Variants in TSHZ2 observed in about 807,000 individuals in gnomAD.
TSHZ2 encodes teashirt homolog 2.
TSHZ2 carries 21 observed loss-of-function variants against 74.4 expected under a neutral mutation model. The observed-to-expected ratio is 0.28, with a 90% CI of 0.20 to 0.41. TSHZ2 has a LOEUF of 0.41. Among genes scored for constraint, TSHZ2 ranks in the 10% least tolerant of loss-of-function variants. The probability of loss-of-function intolerance (pLI) is 1.00; values close to 1 mark genes in which losing one functional copy is unlikely to be tolerated. For synonymous variants in TSHZ2, 540 were observed against 515.3 expected (o/e 1.05, Z -0.65); for missense variants, 1,244 against 1,293.5 (o/e 0.96, Z 0.59).
chr20:53,441,241 TTTTATTTTATTTTA>T (rs1206660756), intron 2 of TSHZ2, among the ~76,000 whole-genome samples: 2 of 145,052 alleles, frequency 1.4e-5, no homozygotes, highest in African/African-American at 5.0e-5. Context: ...TTTTATTTTA[TTTTATTTTATTTTA>T]TTTTATTTTA....
chr20:53,461,295 C>A (rs933456772), intron 2 of TSHZ2, among the ~76,000 whole-genome samples: 1 of 152,138 alleles, frequency 6.6e-6, no homozygotes, highest in Admixed American at 6.5e-5. Flanking sequence ...GTGGGAGTGA[C>A]CCGATTTCCA....
intron 1 of TSHZ2, among the ~76,000 whole-genome samples, chr20:53,239,832 A>G (rs951250808): frequency 6.6e-6 from 1 of 152,214 alleles, no homozygotes; most frequent in African/African-American, 2.4e-5. Context: ...AACATGAAAA[A>G]TATCAGGGCA....
Position 53,053,581 on chromosome 20 carries a change from GTATA to G in TSHZ2, c.40+80264_40+80267del, listed in dbSNP as rs10566003. 9.7e-3 allele frequency among the ~76,000 whole-genome samples: 1,458 copies of G among 149,764 alleles called. 31 individuals are homozygous for G. The highest frequency in any genetic ancestry group is 0.034 in the African/African-American group (1,371 of 40,810). ...GCTATATATGTATGTATATGTGTGT[GTATA>G]TATATATATATATATTTTTCTCGAT... is the stretch of plus-strand genomic sequence containing the variant. On this transcript the variant is annotated intron_variant, in intron 1 of 2. Transcript: ENST00000371497.
chr20:53,004,634 G>A (rs2122974982), intron 1 of TSHZ2, among the ~76,000 whole-genome samples: 1 of 152,312 alleles, frequency 6.6e-6, no homozygotes, highest in African/African-American at 2.4e-5. Flanking sequence ...TGCTGCTTAT[G>A]AGCTCAGGGA....
chr20:53,484,375 T>C (rs1986235492), intron 2 of TSHZ2, among the ~76,000 whole-genome samples: 1 of 131,866 alleles, frequency 7.6e-6, no homozygotes. Flanking sequence ...CTTACTTTTA[T>C]CTCTCTCTTT....
chr20:53,448,805 C>T (rs1262633389), intron 2 of TSHZ2, among the ~76,000 whole-genome samples: 3 of 152,162 alleles, frequency 2.0e-5, no homozygotes, highest in Non-Finnish European at 4.4e-5. Context: ...TGATGTTTCT[C>T]TGGACCACAT....
chr20:53,366,965 G>A (rs763352806), intron 2 of TSHZ2, among the ~76,000 whole-genome samples: 7 of 152,258 alleles, frequency 4.6e-5, no homozygotes, highest in African/African-American at 1.7e-4. Flanking sequence ...CGACTTAATC[G>A]AGGGCATTGC....
chr20:53,305,511 A>T (rs1978495648), intron 2 of TSHZ2, among the ~76,000 whole-genome samples: 1 of 152,156 alleles, frequency 6.6e-6, no homozygotes, highest in African/African-American at 2.4e-5. Context: ...GACTGGACTT[A>T]TAAAAAACGC....
intron 1 of TSHZ2, among the ~76,000 whole-genome samples, chr20:53,216,377 G>A (rs140561683): frequency 6.6e-6 from 1 of 152,312 alleles, no homozygotes; most frequent in East Asian, 1.9e-4. Context: ...AAATGGGACT[G>A]GGGTGGCGGA....
intron 1 of TSHZ2, among the ~76,000 whole-genome samples, chr20:53,052,503 C>T (rs900162138): frequency 6.6e-6 from 1 of 152,108 alleles, no homozygotes; most frequent in Non-Finnish European, 1.5e-5. Context: ...CCTTCCTCCC[C>T]TGAGCCACCA....
chr20:53,298,927 C>T (rs1175393278), intron 2 of TSHZ2, among the ~76,000 whole-genome samples: 1 of 152,106 alleles, frequency 6.6e-6, no homozygotes, highest in Non-Finnish European at 1.5e-5. Flanking sequence ...TATGAAGTGC[C>T]TCTGTGAAGG....
chr20:52,976,863 A>G (rs1981358295), intron 1 of TSHZ2, among the ~76,000 whole-genome samples: 2 of 152,162 alleles, frequency 1.3e-5, no homozygotes, highest in South Asian at 4.1e-4. Flanking sequence ...CTGACTCTTA[A>G]AGGCTTTCTG....
At chr20:53,443,984 AG>A (rs1455271700) in intron 2 of TSHZ2, among the ~76,000 whole-genome samples, 1 of 152,138 alleles carries the variant, frequency 6.6e-6, no homozygotes, top group Non-Finnish European at 1.5e-5. Context: ...AGGTTTGGAG[AG>A]AGGGAACGCG....
chr20:53,347,588 A>G (rs1980487052), intron 2 of TSHZ2, among the ~76,000 whole-genome samples: 1 of 152,018 alleles, frequency 6.6e-6, no homozygotes, highest in African/African-American at 2.4e-5. Flanking sequence ...TCTCTACTCA[A>G]TAAACCATAA....
chr20:53,410,225 C>T (rs1003622548), intron 2 of TSHZ2, among the ~76,000 whole-genome samples: 2 of 152,114 alleles, frequency 1.3e-5, no homozygotes, highest in African/African-American at 4.8e-5. Context: ...ACATGCTGAC[C>T]GCAGCTACCC....
At chr20:53,175,131 C>CTT (rs750453219) in intron 1 of TSHZ2, among the ~76,000 whole-genome samples, 1,153 of 63,626 alleles carry the variant, frequency 0.018, 136 homozygotes, top group East Asian at 0.063. Flanking sequence ...CTTCTTCTTT[C>CTT]TTTTTTTTTT....
At chr20:53,193,401 C>T (rs527889287) in intron 1 of TSHZ2, among the ~76,000 whole-genome samples, 1 of 152,152 alleles carries the variant, frequency 6.6e-6, no homozygotes, top group African/African-American at 2.4e-5. Context: ...GGCTCTGCAC[C>T]CAGGCAGTGG....
chr20:53,457,673 C>T (rs1181145456), intron 2 of TSHZ2, among the ~76,000 whole-genome samples: 3 of 142,282 alleles, frequency 2.1e-5, no homozygotes, highest in African/African-American at 7.8e-5. Context: ...TTTGCCCATT[C>T]AGTATGATAT....
intron 2 of TSHZ2, among the ~76,000 whole-genome samples, chr20:53,305,474 G>A (rs943838260): frequency 1.3e-5 from 2 of 151,944 alleles, no homozygotes; most frequent in Non-Finnish European, 2.9e-5. Context: ...ACTGGGACAC[G>A]CCAAGCTATA....
Sources: gnomAD v4.1 joint callset for allele counts (sites outside exome capture counted in the v4.1 genomes callset) on GRCh38, gnomAD v4.1.1 for gene constraint, MANE v1.5 for transcripts, NCBI Gene and HGNC (gene_info 2026-07-23, HGNC 2026-07-21) for gene names.